Variants in FBXW4 observed in about 807,000 individuals in gnomAD.
The protein encoded by FBXW4 is F-box/WD repeat-containing protein 4.
Under a neutral mutation model 61.8 loss-of-function variants are expected in FBXW4, and 40 were observed. The observed-to-expected ratio is 0.65, with a 90% confidence interval of 0.50 to 0.84. The LOEUF (loss-of-function observed/expected upper bound fraction) is 0.84, where lower values mean the gene tolerates loss of function less well. Among genes scored for constraint, FBXW4 ranks in the 40% least tolerant of loss-of-function variants. FBXW4 has a pLI of 0.00. For synonymous variants in FBXW4, 311 were observed against 313.8 expected (o/e 0.99, Z 0.10); for missense variants, 672 against 753.8 (o/e 0.89, Z 1.27).
At chr10:101,660,759 G>A (rs1456743480) in intron 5 of FBXW4, among the ~76,000 whole-genome samples, 3 of 152,072 alleles carry the variant, frequency 2.0e-5, no homozygotes, top group Non-Finnish European at 4.4e-5. Flanking sequence ...GTGCAGGTAG[G>A]GACTGGAGCC....
chr10:101,624,113 C>A (rs889028994), intron 6 of FBXW4, among the ~76,000 whole-genome samples: 4 of 152,078 alleles, frequency 2.6e-5, no homozygotes, highest in Non-Finnish European at 4.4e-5. Flanking sequence ...CACACACACA[C>A]ACACACAGAG....
intron 6 of FBXW4, among the ~76,000 whole-genome samples, chr10:101,618,501 CT>C (rs1268145725): frequency 2.0e-5 from 3 of 152,174 alleles, no homozygotes; most frequent in African/African-American, 4.8e-5. Flanking sequence ...TATTCTGCCC[CT>C]GCCTTTGTTG....
intron 5 of FBXW4, among the ~76,000 whole-genome samples, chr10:101,656,232 T>C (rs1054587554): frequency 6.6e-6 from 1 of 152,184 alleles, no homozygotes; most frequent in Non-Finnish European, 1.5e-5. Context: ...GCTTCTCACC[T>C]GATCACTTGC....
intron 5 of FBXW4, chr10:101,660,267 T>A (rs2064229427): frequency 1.0e-6 from 1 of 956,360 alleles, no homozygotes; most frequent in African/African-American, 2.1e-5. Context: ...AACCTCCGAC[T>A]GCAACACAGA....
intron 5 of FBXW4, among the ~76,000 whole-genome samples, chr10:101,655,600 T>C (rs1047430655): frequency 6.6e-6 from 1 of 152,234 alleles, no homozygotes; most frequent in Non-Finnish European, 1.5e-5. Context: ...AATCACTCAC[T>C]TGTTCTCTTC....
intron 5 of FBXW4, chr10:101,626,869 G>A (rs1393444685): frequency 1.3e-5 from 2 of 152,296 alleles, no homozygotes; most frequent in Admixed American, 6.5e-5. Flanking sequence ...AGAGAGGGGA[G>A]CAACTTTAAT....
chr10:101,628,990 G>A (rs1279999060), intron 5 of FBXW4, among the ~76,000 whole-genome samples: 4 of 152,232 alleles, frequency 2.6e-5, no homozygotes, highest in Non-Finnish European at 5.9e-5. Context: ...GGCTCCAGAA[G>A]TAGACATAGG....
rs1332609905 is a variant in FBXW4 at position 101,640,481 on chromosome 10, TCTC to T, written c.1236-15674_1236-15672del. On this transcript the variant is annotated intron_variant, in intron 5 of 8. Transcript: ENST00000331272. The stretch of plus-strand genomic sequence containing the variant: ...TTTTCTTTTCTTTTCTTTCTTTCTT[TCTC>T]TTTTTTTTTTTTTTTTTTTTTTTGA... Among the ~76,000 whole-genome samples the T allele has an allele frequency of 1.2e-3, 119 of 97,410 alleles. 1 individual carries two copies. The highest frequency in any genetic ancestry group is 4.1e-3 in the African/African-American group (112 of 27,442). 63.9% of individuals were successfully genotyped at this position (97,410 alleles called of 152,430 possible). A position where few individuals can be genotyped will look rare whatever the true frequency, so the allele number is the denominator to read the frequency against.
At chr10:101,658,453 G>A (rs1301124130) in intron 5 of FBXW4, among the ~76,000 whole-genome samples, 4 of 152,182 alleles carry the variant, frequency 2.6e-5, no homozygotes, top group African/African-American at 7.2e-5. Context: ...GCTGAGGCAG[G>A]ACAATTGCTT....
intron 5 of FBXW4, among the ~76,000 whole-genome samples, chr10:101,632,646 A>G (rs1231809272): frequency 6.6e-6 from 1 of 152,204 alleles, no homozygotes; most frequent in Non-Finnish European, 1.5e-5. Flanking sequence ...GTGGAATAAC[A>G]TAAGTTCATT....
intron 1 of FBXW4, among the ~76,000 whole-genome samples, chr10:101,692,618 G>A (rs2064619468): frequency 6.6e-6 from 1 of 151,832 alleles, no homozygotes; most frequent in Non-Finnish European, 1.5e-5. Flanking sequence ...AGCTGGGTGT[G>A]GTGGTGCATG....
At chr10:101,622,684 C>T (rs1242221985) in intron 6 of FBXW4, among the ~76,000 whole-genome samples, 5 of 145,056 alleles carry the variant, frequency 3.4e-5, no homozygotes, top group South Asian at 2.2e-4. Flanking sequence ...GCTGAGATCA[C>T]GCCACTGCAC....
At chr10:101,631,873 C>T (rs1237479590) in intron 5 of FBXW4, among the ~76,000 whole-genome samples, 3 of 152,170 alleles carry the variant, frequency 2.0e-5, no homozygotes, top group Non-Finnish European at 4.4e-5. Flanking sequence ...GTGATCCACC[C>T]ACCTTGGCCT....
chr10:101,686,503 C>T (rs939445900), intron 1 of FBXW4, among the ~76,000 whole-genome samples: 6 of 151,066 alleles, frequency 4.0e-5, no homozygotes, highest in Admixed American at 2.6e-4. Context: ...GGGCAGGGAG[C>T]GGTGAACAGG....
At chr10:101,652,994 T>C (rs2064156904) in intron 5 of FBXW4, among the ~76,000 whole-genome samples, 1 of 152,166 alleles carries the variant, frequency 6.6e-6, no homozygotes, top group Admixed American at 6.5e-5. Context: ...GCCTTCTACA[T>C]CTCAACCCCA....
intron 1 of FBXW4, among the ~76,000 whole-genome samples, chr10:101,690,829 T>C (rs959206511): frequency 1.3e-5 from 2 of 152,168 alleles, no homozygotes; most frequent in Admixed American, 1.3e-4. Context: ...CGAAGCACAG[T>C]GCGTGTGTGT....
intron 4 of FBXW4, among the ~76,000 whole-genome samples, chr10:101,669,315 A>G (rs1402346417): frequency 6.6e-6 from 1 of 152,076 alleles, no homozygotes; most frequent in Non-Finnish European, 1.5e-5. Flanking sequence ...AACTAGATAC[A>G]TTTCCAATGT....
intron 5 of FBXW4, among the ~76,000 whole-genome samples, chr10:101,639,987 T>TG (rs1240990170): frequency 6.6e-6 from 1 of 152,252 alleles, no homozygotes; most frequent in African/African-American, 2.4e-5. Context: ...ATAGAGCCTC[T>TG]GTTCAGTAAC....
chr10:101,667,225 C>A (rs548450111), intron 5 of FBXW4, among the ~76,000 whole-genome samples: 2 of 136,476 alleles, frequency 1.5e-5, no homozygotes, highest in South Asian at 2.3e-4. Flanking sequence ...AGCGAGACTC[C>A]GTCTCAAAAA....
Sources: allele counts gnomAD v4.1 joint callset (sites outside exome capture counted in the v4.1 genomes callset), GRCh38; gene constraint gnomAD v4.1.1; transcripts MANE v1.5; gene names NCBI Gene and HGNC (gene_info 2026-07-23, HGNC 2026-07-21).